MYPN: variants seen among roughly 807,000 people sequenced by gnomAD.
MYPN encodes the protein sarcomeric protein myopalladin, 145 kDa (MYOP).
MYPN carries 63 observed loss-of-function variants against 129.4 expected under a neutral mutation model. The observed-to-expected ratio is 0.49, with a 90% CI of 0.40 to 0.60. The LOEUF (loss-of-function observed/expected upper bound fraction) is 0.60. Among genes scored for constraint, MYPN ranks in the 20% least tolerant of loss-of-function variants. MYPN has a pLI of 0.00. For synonymous variants in MYPN, 629 were observed against 600.9 expected (o/e 1.05, Z -0.68); for missense variants, 1,596 against 1,635.4 (o/e 0.98, Z 0.42).
chr10:68,186,852 G>A (rs2043429773), intron 12 of MYPN, among the ~76,000 whole-genome samples: 1 of 152,082 alleles, frequency 6.6e-6, no homozygotes, highest in Non-Finnish European at 1.5e-5. Context: ...GCTATGTAGA[G>A]AATTAGAATG....
At chr10:68,157,555 C>G (rs993119021) in intron 6 of MYPN, among the ~76,000 whole-genome samples, 1 of 150,408 alleles carries the variant, frequency 6.6e-6, no homozygotes, top group Non-Finnish European at 1.5e-5. Context: ...GTACTGAGGC[C>G]GGGTGCGGTA....
intron 10 of MYPN, among the ~76,000 whole-genome samples, chr10:68,169,580 T>C (rs1226082244): frequency 6.6e-6 from 1 of 152,114 alleles, no homozygotes; most frequent in African/African-American, 2.4e-5. Flanking sequence ...GTGGGTTCCA[T>C]GGTCATTAAG....
chr10:68,206,405 A>C (rs191751568), intron 18 of MYPN, among the ~76,000 whole-genome samples: 167 of 152,154 alleles, frequency 1.1e-3, no homozygotes, highest in Non-Finnish European at 1.8e-3. Context: ...CCCTGGCTCT[A>C]TTTTGTCTTG....
chr10:68,193,191 T>C (rs2043544054), intron 13 of MYPN, among the ~76,000 whole-genome samples: 1 of 152,010 alleles, frequency 6.6e-6, no homozygotes. Flanking sequence ...GAAAGTCTTA[T>C]CAGATTCTAG....
upstream of MYPN, among the ~76,000 whole-genome samples, chr10:68,102,249 C>T (rs1386830236): frequency 6.6e-5 from 10 of 151,610 alleles, no homozygotes; most frequent in African/African-American, 2.4e-4. Flanking sequence ...CTCAGCCTCC[C>T]AGGTAGCTGG....
chr10:68,118,327 C>T (rs1039560146), intron 1 of MYPN, among the ~76,000 whole-genome samples: 1 of 152,120 alleles, frequency 6.6e-6, no homozygotes, highest in Non-Finnish European at 1.5e-5. Flanking sequence ...TGTTATTAAT[C>T]CTTACTCCCC....
At position 68,174,471 on chromosome 10, in the gene MYPN, A is replaced by G. The variant is rs1190436982; in HGVS notation, c.2379A>G (p.Thr793=). 2 of 1,613,702 alleles carry G rather than the reference A, an allele frequency of 1.2e-6. No individual in the cohort carries two copies. Among genetic ancestry groups the G allele is most frequent in the African/African-American group, 2.7e-5 (2 of 74,854 alleles). The part of the protein sequence containing the change: ...EPLPPGPTEP[T]PPPFTFSIPS... Reference sequence around the variant, plus strand: ...TCCCACCAGGCCCAACAGAACCAACACCACCACCATTCACATTTTCCATCC... The same window carrying G: ...TCCCACCAGGCCCAACAGAACCAACGCCACCACCATTCACATTTTCCATCC... Residue 793 remains threonine (T), a synonymous_variant, in exon 11 of 20, where the codon ACA becomes ACG. Coordinates refer to ENST00000358913, the MANE Select transcript of MYPN (RefSeq NM_032578.4).
rs374107827 is a variant in MYPN at position 68,154,623 on chromosome 10, C to T, written c.1318-3863C>T. Among the ~76,000 whole-genome samples the T allele has an allele frequency of 1.6e-4, 24 of 152,334 alleles. No homozygotes were observed. The East Asian group carries it at 4.6e-3, about 29-fold the overall frequency. ...CAGTAAAAACCACTTTGATCCAACT[C>T]CATCCTAAAGCACTGTGCACTTGCA... On this transcript the variant is annotated intron_variant, in intron 6 of 19. Coordinates refer to ENST00000358913, the MANE Select transcript of MYPN (RefSeq NM_032578.4).
At chr10:68,168,464 T>A (rs1023519503) in intron 10 of MYPN, among the ~76,000 whole-genome samples, 1 of 152,194 alleles carries the variant, frequency 6.6e-6, no homozygotes, top group South Asian at 2.1e-4. Flanking sequence ...TAAGTCAATA[T>A]GAGTGACTGC....
In MYPN at chr10:68,174,257, G is replaced by A. The variant is rs530701227; in HGVS notation, c.2165G>A (p.Arg722Gln). 166 of 1,614,048 alleles carry A rather than the reference G, an allele frequency of 1.0e-4. 1 individual carries two copies. The South Asian group carries it at 1.7e-3, about 16-fold the overall frequency. The change falls in exon 11 of 20, where the codon CGG (arginine) becomes CAG (glutamine). Residue 722 changes from arginine to glutamine, a missense_variant. Transcript: ENST00000358913. ...TCATCACAGACGTTCAGCTTGGCCC[G>A]GCCGAAGTATTTCTTCCCCTCCACG... is the stretch of plus-strand genomic sequence containing the variant. ...APSSQTFSLA[R>Q]PKYFFPSTNT... is the part of the protein sequence containing the mutation.
At chr10:68,160,719 C>A (rs1239904807) in intron 7 of MYPN, among the ~76,000 whole-genome samples, 1 of 152,054 alleles carries the variant, frequency 6.6e-6, no homozygotes, top group Non-Finnish European at 1.5e-5. Flanking sequence ...AAGTTTGAGA[C>A]CAGCCTGGCC....
At chr10:68,148,530 A>G in intron 5 of MYPN, 63 bp downstream of exon 5, 1 of 1,308,070 alleles carries the variant, frequency 7.6e-7, no homozygotes, top group East Asian at 2.3e-5. Context: ...GGTGACCATG[A>G]CCATCTTGCA....
In MYPN at chr10:68,195,494, C is replaced by T; in HGVS notation, c.3120C>T (p.Pro1040=). The T allele has an allele frequency of 6.2e-7, 1 of 1,614,018 alleles. No individual in the cohort carries two copies. The highest frequency in any genetic ancestry group is 1.1e-5 in the South Asian group (1 of 91,068). The change falls in exon 15 of 20, where the codon CCC becomes CCT. Residue 1040 remains proline (P), a synonymous_variant. Transcript: ENST00000358913. ...GCCACTTGATGGTACAAAGTTTGCCCATTCGCAGTCGGCTAACCTCTGCTG... is the reference window on the plus strand; with the variant it reads ...GCCACTTGATGGTACAAAGTTTGCCTATTCGCAGTCGGCTAACCTCTGCTG... ...CSGHLMVQSL[P]IRSRLTSAGQ...
At chr10:68,187,170 G>A (rs61857178) in intron 12 of MYPN, among the ~76,000 whole-genome samples, 19,021 of 151,946 alleles carry the variant, frequency 0.13, 1,587 homozygotes, top group Middle Eastern at 0.2. Context: ...TCAGGAGTTC[G>A]AGATCAGCCT....
rs371886376 is a variant in MYPN, at chr10:68,113,860, T to A, written c.-2+4137T>A. The stretch of plus-strand genomic sequence containing the variant: ...CGATTAAATCAAGCTAATTAATATA[T>A]CCATAGCCTCACATACTTACCACTT... On this transcript the variant is annotated intron_variant, in intron 1 of 19. Coordinates refer to ENST00000358913, the MANE Select transcript of MYPN (RefSeq NM_032578.4). Among the ~76,000 whole-genome samples, 51 of 152,298 alleles carry A rather than the reference T, an allele frequency of 3.3e-4. No homozygotes were observed. The South Asian group carries it at 9.1e-3, about 27-fold the overall frequency.
chr10:68,101,844 T>G (rs1295580578), upstream of MYPN, among the ~76,000 whole-genome samples: 2 of 152,124 alleles, frequency 1.3e-5, no homozygotes, highest in Admixed American at 6.5e-5. Context: ...CTTCTGCTGG[T>G]TTAGAAATTG....
intron 17 of MYPN, among the ~76,000 whole-genome samples, chr10:68,200,383 G>A (rs1214952735): frequency 6.6e-6 from 1 of 152,152 alleles, no homozygotes; most frequent in Non-Finnish European, 1.5e-5. Flanking sequence ...TTGTCATCTG[G>A]GAGGTGCCAG....
intron 8 of MYPN, among the ~76,000 whole-genome samples, chr10:68,165,086 A>C (rs1217669315): frequency 6.6e-6 from 1 of 152,230 alleles, no homozygotes; most frequent in African/African-American, 2.4e-5. Context: ...TTATTGTTAT[A>C]CATTTCTATT....
In MYPN at chr10:68,110,032, A is replaced by T. The variant is rs139812319; in HGVS notation, c.-2+309A>T. On this transcript the variant is annotated intron_variant, in intron 1 of 19. Coordinates refer to ENST00000358913, the MANE Select transcript of MYPN (RefSeq NM_032578.4). ...TTTCCACACATTCATTTATTAAAAGAATGTTGTTTATATAGAGAATATGTA... is the reference window on the plus strand; with the variant it reads ...TTTCCACACATTCATTTATTAAAAGTATGTTGTTTATATAGAGAATATGTA... 9.8e-5 allele frequency among the ~76,000 whole-genome samples: 15 copies of T among 152,324 alleles called. No individual in the cohort carries two copies. The East Asian group carries it at 2.7e-3, about 27-fold the overall frequency.
Sources: gnomAD v4.1 joint callset for allele counts (sites outside exome capture counted in the v4.1 genomes callset) on GRCh38, gnomAD v4.1.1 for gene constraint, MANE v1.5 for transcripts, NCBI Gene and HGNC (gene_info 2026-07-23, HGNC 2026-07-21) for gene names.